TMEM131: variants seen among roughly 807,000 people sequenced by gnomAD.
TMEM131 encodes the protein 2610524E03Rik.
Under a neutral mutation model 211.6 loss-of-function variants are expected in TMEM131, and 66 were observed. The ratio of observed to expected loss-of-function variants is 0.31; its 90% CI spans 0.26 to 0.38. The LOEUF (loss-of-function observed/expected upper bound fraction) is 0.38, where lower values mean the gene tolerates loss of function less well. Among genes scored for constraint, TMEM131 ranks in the 10% least tolerant of loss-of-function variants. The probability of loss-of-function intolerance (pLI) is 1.00; values close to 1 mark genes in which losing one functional copy is unlikely to be tolerated. For missense variants in TMEM131, 2,036 were observed against 2,299.3 expected (o/e 0.89, Z 2.34); for synonymous variants, 844 against 841.3 (o/e 1.00, Z -0.06).
At chr2:97,849,782 G>C (rs945965201) in intron 5 of TMEM131, among the ~76,000 whole-genome samples, 1 of 133,536 alleles carries the variant, frequency 7.5e-6, no homozygotes, top group Non-Finnish European at 1.5e-5. Flanking sequence ...ATTCACTCAA[G>C]CATATTTTAG....
intron 32 of TMEM131, among the ~76,000 whole-genome samples, chr2:97,774,578 G>T (rs1679624779): frequency 6.6e-6 from 1 of 152,184 alleles, no homozygotes; most frequent in Non-Finnish European, 1.5e-5. Flanking sequence ...GAAGAAGCTG[G>T]GAACACAGGA....
intron 25 of TMEM131, among the ~76,000 whole-genome samples, chr2:97,797,888 CA>C (rs1233126780): frequency 6.6e-6 from 1 of 152,204 alleles, no homozygotes; most frequent in Non-Finnish European, 1.5e-5. Flanking sequence ...TAGCACAAAG[CA>C]AACACTTGTG....
At chr2:97,775,255 C>G (rs2104815284) in intron 32 of TMEM131, among the ~76,000 whole-genome samples, 1 of 152,312 alleles carries the variant, frequency 6.6e-6, no homozygotes, top group Admixed American at 6.5e-5. Context: ...GGAGCCGAGG[C>G]CTCCAACGGG....
chr2:97,789,265 C>G (rs567110089), intron 31 of TMEM131, among the ~76,000 whole-genome samples: 18 of 152,388 alleles, frequency 1.2e-4, no homozygotes, highest in African/African-American at 3.4e-4. Context: ...GTCATGCTAT[C>G]TGCTGGCTGC....
At chr2:97,922,803 T>C (rs1676800549) in intron 2 of TMEM131, among the ~76,000 whole-genome samples, 1 of 152,220 alleles carries the variant, frequency 6.6e-6, no homozygotes, top group Admixed American at 6.5e-5. Flanking sequence ...GGCCTGTTTT[T>C]AGTTTTTAAT....
At chr2:97,823,551 T>C (rs998424247) in intron 11 of TMEM131, among the ~76,000 whole-genome samples, 3 of 152,144 alleles carry the variant, frequency 2.0e-5, no homozygotes, top group African/African-American at 4.8e-5. Context: ...AAGTAAATGA[T>C]AGAATGACAG....
At chr2:97,886,373 G>A (rs893598099) in intron 4 of TMEM131, among the ~76,000 whole-genome samples, 3 of 152,060 alleles carry the variant, frequency 2.0e-5, no homozygotes, top group Admixed American at 6.6e-5. Flanking sequence ...TATACATCTG[G>A]TAGAAAAGTC....
chr2:97,954,326 T>C (rs1678461385), intron 1 of TMEM131, among the ~76,000 whole-genome samples: 2 of 152,194 alleles, frequency 1.3e-5, no homozygotes, highest in African/African-American at 4.8e-5. Context: ...AAACAAGGGA[T>C]AGCTTCATAC....
At position 97,766,552 on chromosome 2, in the gene TMEM131, T is replaced by G. The variant is rs770795623; in HGVS notation, c.4499A>C (p.Asn1500Thr). ...TPPLESKQRR[N>T]LPSKIPLPTA... ...TGGAAGAGGAATCTTGCTTGGGAGA[T>G]TTCTACGTTGCTTACTTTCCAAAGG... is the stretch of plus-strand genomic sequence containing the variant. Residue 1500 changes from asparagine to threonine, a missense_variant, in exon 34 of 41, where the codon AAT becomes ACT. Physicochemically the swap from Asn to Thr is moderately conservative, Grantham distance 65. Around this residue, in one of 3 missense-constraint regions of TMEM131, gnomAD observed 1,623 missense variants for 1,805.9 expected, o/e 0.90. Coordinates refer to ENST00000186436, the MANE Select transcript of TMEM131 (RefSeq NM_015348.2). 6.2e-7 allele frequency: 1 copy of G among 1,614,032 alleles called. No individual in the cohort carries two copies. The highest frequency in any genetic ancestry group is 2.2e-5 in the East Asian group (1 of 44,878).
intron 11 of TMEM131, chr2:97,827,290 G>A: frequency 2.5e-6 from 2 of 784,940 alleles, no homozygotes; most frequent in Non-Finnish European, 4.7e-6. Flanking sequence ...CGCTGCCAAG[G>A]AAGAGCCCAA....
intron 31 of TMEM131, among the ~76,000 whole-genome samples, chr2:97,779,522 G>A (rs968009589): frequency 1.5e-4 from 23 of 152,314 alleles, no homozygotes; most frequent in Admixed American, 3.9e-4. Context: ...TCAGAGAAAG[G>A]AGAGACTCTT....
chr2:97,915,507 C>T (rs1676474151), intron 2 of TMEM131, among the ~76,000 whole-genome samples: 1 of 151,930 alleles, frequency 6.6e-6, no homozygotes, highest in Non-Finnish European at 1.5e-5. Flanking sequence ...ATTTTATTTA[C>T]TTACTTTTTA....
chr2:97,848,506 T>C (rs886275695), intron 5 of TMEM131, among the ~76,000 whole-genome samples: 2 of 152,230 alleles, frequency 1.3e-5, no homozygotes, highest in African/African-American at 4.8e-5. Context: ...ATACTTTAAA[T>C]AATCTCTACA....
intron 7 of TMEM131, among the ~76,000 whole-genome samples, chr2:97,840,154 C>T (rs1430135523): frequency 6.6e-6 from 1 of 152,172 alleles, no homozygotes. Context: ...GTTCCATTTG[C>T]TCTCTTGTGT....
intron 5 of TMEM131, among the ~76,000 whole-genome samples, chr2:97,857,213 T>C (rs144067900): frequency 6.6e-6 from 1 of 152,326 alleles, no homozygotes; most frequent in Non-Finnish European, 1.5e-5. Flanking sequence ...TTTCTGACTC[T>C]TCTTGGGAAT....
chr2:97,822,684 G>GGAGGAAAACTA (rs1374433223), intron 11 of TMEM131, among the ~76,000 whole-genome samples: 1 of 152,104 alleles, frequency 6.6e-6, no homozygotes, highest in African/African-American at 2.4e-5. Context: ...TTGTGGTCTA[G>GGAGGAAAACTA]GAGGAAAACT....
At chr2:97,771,961 G>C (rs1229775638) in intron 33 of TMEM131, among the ~76,000 whole-genome samples, 1 of 152,220 alleles carries the variant, frequency 6.6e-6, no homozygotes, top group Non-Finnish European at 1.5e-5. Flanking sequence ...TTGTACCTGT[G>C]GTTCAATCGT....
intron 13 of TMEM131, 115 bp from the exon 14 acceptor site, chr2:97,814,503 T>A: frequency 9.4e-7 from 1 of 1,061,492 alleles, no homozygotes; most frequent in Non-Finnish European, 1.3e-6. Flanking sequence ...GGGATTGTAT[T>A]AAAGATTTAG....
intron 1 of TMEM131, among the ~76,000 whole-genome samples, chr2:97,963,670 G>A (rs571326501): frequency 8.5e-5 from 13 of 152,138 alleles, no homozygotes; most frequent in African/African-American, 1.2e-4. Flanking sequence ...AGCGGAGATC[G>A]CGCCACTGCA....
Sources: allele counts gnomAD v4.1 joint callset (sites outside exome capture counted in the v4.1 genomes callset), GRCh38; gene constraint gnomAD v4.1.1; regional missense constraint gnomAD v4.1.1; transcripts MANE v1.5; gene names NCBI Gene and HGNC (gene_info 2026-07-23, HGNC 2026-07-21).